The following NFIA variants were observed in gnomAD, a reference collection of about 807,000 sequenced individuals.
NFIA encodes the protein nuclear factor I A.
Under a neutral mutation model 62.8 loss-of-function variants are expected in NFIA, and 8 were observed. That is an observed-to-expected ratio of 0.13 (90% confidence interval 0.07 to 0.23). NFIA has a LOEUF of 0.23. Ranked by LOEUF, NFIA falls within the 10% of genes least tolerant of loss-of-function variation. The pLI is 1.00. For missense variants in NFIA, 410 were observed against 642.1 expected (o/e 0.64, Z 3.91); for synonymous variants, 235 against 238.1 (o/e 0.99, Z 0.12).
intron 2 of NFIA, among the ~76,000 whole-genome samples, chr1:61,136,503 G>T (rs1327369584): frequency 1.3e-5 from 2 of 152,184 alleles, no homozygotes; most frequent in Middle Eastern, 3.2e-3. Context: ...GTATAAAAAG[G>T]CTGGGGGAGG....
At chr1:61,338,192 G>A (rs544825864) in intron 4 of NFIA, among the ~76,000 whole-genome samples, 2 of 152,176 alleles carry the variant, frequency 1.3e-5, no homozygotes, top group Admixed American at 1.3e-4. Context: ...GAGTCTTTGG[G>A]TGTGAAAACC....
chr1:61,213,799 G>A (rs1340634196), intron 2 of NFIA, among the ~76,000 whole-genome samples: 1 of 152,072 alleles, frequency 6.6e-6, no homozygotes, highest in African/African-American at 2.4e-5. Flanking sequence ...AACTTCTCCT[G>A]GCTGCTCCTA....
intron 2 of NFIA, among the ~76,000 whole-genome samples, chr1:61,141,698 A>G (rs1360613751): frequency 6.6e-6 from 1 of 152,174 alleles, no homozygotes; most frequent in Non-Finnish European, 1.5e-5. Flanking sequence ...AATCCCTTCT[A>G]TTTCCTGATC....
At chr1:61,217,713 G>T (rs1229152619) in intron 2 of NFIA, among the ~76,000 whole-genome samples, 1 of 152,124 alleles carries the variant, frequency 6.6e-6, no homozygotes, top group Non-Finnish European at 1.5e-5. Flanking sequence ...ACTTTGCAGG[G>T]GAAAGGCTCA....
At chr1:61,207,178 T>G (rs1652953303) in intron 2 of NFIA, among the ~76,000 whole-genome samples, 1 of 152,148 alleles carries the variant, frequency 6.6e-6, no homozygotes, top group Non-Finnish European at 1.5e-5. Flanking sequence ...ATTGTCAAAA[T>G]TTTGTACAAT....
chr1:61,444,152 A>G (rs947753419), intron 10 of NFIA, among the ~76,000 whole-genome samples: 5 of 152,242 alleles, frequency 3.3e-5, no homozygotes, highest in Admixed American at 1.3e-4. Context: ...CCATTTCCAC[A>G]GAAAGCTGAA....
chr1:61,409,833 G>T (rs1666019249), intron 9 of NFIA, among the ~76,000 whole-genome samples: 1 of 152,194 alleles, frequency 6.6e-6, no homozygotes, highest in Non-Finnish European at 1.5e-5. Flanking sequence ...GGGGTGGTAG[G>T]GACTAGTCAT....
chr1:61,294,671 C>T (rs1659091604), intron 3 of NFIA, among the ~76,000 whole-genome samples: 1 of 152,204 alleles, frequency 6.6e-6, no homozygotes, highest in South Asian at 2.1e-4. Flanking sequence ...CTTTTTTACT[C>T]ACTGTTTTCT....
At chr1:61,244,376 C>A (rs1218590157) in intron 2 of NFIA, among the ~76,000 whole-genome samples, 1 of 152,136 alleles carries the variant, frequency 6.6e-6, no homozygotes, top group African/African-American at 2.4e-5. Context: ...TCTGCCAAGG[C>A]CTTAGACACT....
At chr1:61,169,055 CT>C (rs1289998353) in intron 2 of NFIA, among the ~76,000 whole-genome samples, 1 of 152,150 alleles carries the variant, frequency 6.6e-6, no homozygotes, top group East Asian at 1.9e-4. Context: ...AAAATAGCAA[CT>C]TGTTAAACTT....
intron 2 of NFIA, among the ~76,000 whole-genome samples, chr1:61,111,944 T>C (rs1476612402): frequency 6.6e-6 from 1 of 152,168 alleles, no homozygotes; most frequent in Non-Finnish European, 1.5e-5. Flanking sequence ...AGTGAGTTAG[T>C]ACAGCTACTT....
chr1:61,153,074 T>A (rs996490145), intron 2 of NFIA, among the ~76,000 whole-genome samples: 25 of 152,228 alleles, frequency 1.6e-4, no homozygotes, highest in Admixed American at 1.6e-3. Context: ...CAAGTCCCTT[T>A]ACTTTCCTGA....
At chr1:61,219,720 A>AAAAAAAAAG (rs904171439) in intron 2 of NFIA, among the ~76,000 whole-genome samples, 5 of 150,610 alleles carry the variant, frequency 3.3e-5, no homozygotes, top group African/African-American at 1.2e-4. Context: ...TCTCAAAAAA[A>AAAAAAAAAG]AAAAAAGAAA....
chr1:61,121,720 C>T (rs1646890201), intron 2 of NFIA, among the ~76,000 whole-genome samples: 3 of 152,230 alleles, frequency 2.0e-5, no homozygotes, highest in South Asian at 4.1e-4. Context: ...ATTTTTTAAC[C>T]TAACCTGTTA....
intron 2 of NFIA, among the ~76,000 whole-genome samples, chr1:61,237,959 CTAAATT>C (rs1255833924): frequency 2.0e-5 from 3 of 152,150 alleles, no homozygotes; most frequent in Admixed American, 6.5e-5. Flanking sequence ...AAAGCCGTCT[CTAAATT>C]TAATAGTAAA....
chr1:61,154,924 C>T (rs997505785), intron 2 of NFIA, among the ~76,000 whole-genome samples: 4 of 152,218 alleles, frequency 2.6e-5, no homozygotes, highest in African/African-American at 7.2e-5. Context: ...TATAATTTAA[C>T]AGGAAGAGAT....
intron 2 of NFIA, chr1:61,248,845 A>T (rs1044172424): frequency 2.0e-5 from 3 of 152,246 alleles, no homozygotes; most frequent in Non-Finnish European, 4.4e-5. Context: ...CTGAATGCTC[A>T]TGGAGAAATA....
intron 9 of NFIA, among the ~76,000 whole-genome samples, chr1:61,409,787 C>T (rs554289584): frequency 5.5e-4 from 84 of 152,226 alleles, no homozygotes; most frequent in African/African-American, 1.8e-3. Context: ...GTGTGCTTCC[C>T]ACCAGCACCT....
chr1:61,191,911 G>A (rs138797505), intron 2 of NFIA, among the ~76,000 whole-genome samples: 61 of 152,272 alleles, frequency 4.0e-4, no homozygotes, highest in African/African-American at 1.5e-3. Context: ...TTTCAAACCC[G>A]TGACTTAAAA....
Sources: gnomAD v4.1 joint callset for allele counts (sites outside exome capture counted in the v4.1 genomes callset) on GRCh38, gnomAD v4.1.1 for gene constraint, MANE v1.5 for transcripts, NCBI Gene and HGNC (gene_info 2026-07-23, HGNC 2026-07-21) for gene names.